The following EYS variants were observed in gnomAD, a reference collection of about 807,000 sequenced individuals.
The protein encoded by EYS is EGF-like photoreceptor maintenance factor.
Under a neutral mutation model 282.1 loss-of-function variants are expected in EYS, and 250 were observed. The observed-to-expected ratio is 0.89, with a 90% confidence interval of 0.80 to 0.98. The LOEUF is 0.98. Among genes scored for constraint, EYS ranks in the 50% least tolerant of loss-of-function variants. EYS has a pLI of 0.00. For synonymous variants in EYS, 1,355 were observed against 1,282.9 expected, an observed-to-expected ratio of 1.06 and a Z score of -1.20; for missense variants, 4,016 against 3,709.0, an observed-to-expected ratio of 1.08 and a Z score of -2.15.
At chr6:64,397,522 AT>A (rs57878887) in intron 28 of EYS, among the ~76,000 whole-genome samples, 5,797 of 151,938 alleles carry the variant, frequency 0.038, 357 homozygotes, top group African/African-American at 0.13. Flanking sequence ...GTCACATTGT[AT>A]TTTTTATAGG....
At chr6:64,811,578 A>T (rs1764598131) in intron 22 of EYS, among the ~76,000 whole-genome samples, 1 of 152,154 alleles carries the variant, frequency 6.6e-6, no homozygotes, top group Non-Finnish European at 1.5e-5. Flanking sequence ...CACAGTGAAT[A>T]GACCTTTAAA....
chr6:63,982,606 T>C (rs1767151392), intron 35 of EYS, among the ~76,000 whole-genome samples: 1 of 151,812 alleles, frequency 6.6e-6, no homozygotes, highest in Admixed American at 6.6e-5. Flanking sequence ...GATAATCTCT[T>C]TGTAATATAC....
At chr6:63,750,007 A>G (rs1369691543) in intron 41 of EYS, among the ~76,000 whole-genome samples, 1 of 152,170 alleles carries the variant, frequency 6.6e-6, no homozygotes, top group East Asian at 1.9e-4. Context: ...AAGTTTGCCA[A>G]TTCCTTCTCC....
At chr6:65,115,554 A>G (rs1445029077) in intron 12 of EYS, among the ~76,000 whole-genome samples, 1 of 152,152 alleles carries the variant, frequency 6.6e-6, no homozygotes. Context: ...TAAAAAATTT[A>G]TATATTACAT....
At chr6:63,989,477 C>T (rs1415622450) in intron 34 of EYS, among the ~76,000 whole-genome samples, 1 of 151,528 alleles carries the variant, frequency 6.6e-6, no homozygotes, top group African/African-American at 2.4e-5. Flanking sequence ...GTTAAAGGAT[C>T]TCTCTCTCCC....
chr6:64,691,903 A>G (rs919053970), intron 22 of EYS, among the ~76,000 whole-genome samples: 3 of 152,142 alleles, frequency 2.0e-5, no homozygotes, highest in Admixed American at 6.6e-5. Flanking sequence ...TCTATAATTG[A>G]TGGGCACCTG....
At chr6:63,982,999 G>A (rs1398088444) in intron 35 of EYS, among the ~76,000 whole-genome samples, 6 of 151,660 alleles carry the variant, frequency 4.0e-5, no homozygotes, top group Admixed American at 4.0e-4. Flanking sequence ...AAGTTGCCTT[G>A]CTAAATTATT....
chr6:64,298,631 C>A (rs6923523), intron 30 of EYS, among the ~76,000 whole-genome samples: 108,860 of 151,950 alleles, frequency 0.72, 39,178 homozygotes, highest in African/African-American at 0.79. Flanking sequence ...CAAAAACTAT[C>A]AAGAATAAGG....
At chr6:65,469,762 C>G (rs958583995) in intron 5 of EYS, among the ~76,000 whole-genome samples, 2 of 152,004 alleles carry the variant, frequency 1.3e-5, no homozygotes, top group African/African-American at 4.8e-5. Flanking sequence ...ACATATCTCT[C>G]ACTATCCTCA....
At chr6:64,956,391 C>T (rs559381674) in intron 14 of EYS, among the ~76,000 whole-genome samples, 4 of 152,178 alleles carry the variant, frequency 2.6e-5, no homozygotes, top group African/African-American at 9.6e-5. Context: ...TATCCATAGA[C>T]AAAAGAATGA....
At chr6:65,622,702 A>G (rs941860720) in intron 2 of EYS, among the ~76,000 whole-genome samples, 1 of 152,116 alleles carries the variant, frequency 6.6e-6, no homozygotes, top group Non-Finnish European at 1.5e-5. Context: ...GAGTTAATCA[A>G]GAGTAAGACC....
intron 12 of EYS, among the ~76,000 whole-genome samples, chr6:65,294,341 A>G (rs973627677): frequency 6.6e-6 from 1 of 151,968 alleles, no homozygotes; most frequent in Non-Finnish European, 1.5e-5. Context: ...TTTATAATTC[A>G]GTGGAAAGAA....
At chr6:64,955,202 C>CA (rs113187061) in intron 14 of EYS, among the ~76,000 whole-genome samples, 131 of 146,668 alleles carry the variant, frequency 8.9e-4, no homozygotes, top group Middle Eastern at 3.5e-3. Flanking sequence ...AAACAACCAA[C>CA]AAAAAAAAAA....
chr6:65,524,078 G>T (rs1767469982), intron 2 of EYS, among the ~76,000 whole-genome samples: 1 of 152,126 alleles, frequency 6.6e-6, no homozygotes. Context: ...CGCCATGTTG[G>T]CCAGGCTGGT....
At chr6:65,295,449 T>C (rs1247344688) in intron 12 of EYS, among the ~76,000 whole-genome samples, 1 of 151,902 alleles carries the variant, frequency 6.6e-6, no homozygotes, top group Non-Finnish European at 1.5e-5. Context: ...ACCTAGACAA[T>C]ACTGAAACCA....
chr6:65,662,043 A>G (rs908095167), intron 1 of EYS, among the ~76,000 whole-genome samples: 1 of 152,080 alleles, frequency 6.6e-6, no homozygotes, highest in African/African-American at 2.4e-5. Context: ...ATGCAAATTC[A>G]CCACACTCAT....
intron 31 of EYS, among the ~76,000 whole-genome samples, chr6:64,146,175 A>C (rs1774512944): frequency 6.6e-6 from 1 of 152,138 alleles, no homozygotes; most frequent in African/African-American, 2.4e-5. Context: ...ATTCACAGTC[A>C]CTTGTGAATA....
intron 22 of EYS, among the ~76,000 whole-genome samples, chr6:64,751,376 C>T (rs762087949): frequency 1.2e-4 from 19 of 152,162 alleles, no homozygotes; most frequent in Non-Finnish European, 2.6e-4. Context: ...TCTTCCAATG[C>T]AGAGAACTTG....
At chr6:64,062,762 A>T in intron 33 of EYS, among the ~76,000 whole-genome samples, 1 of 152,008 alleles carries the variant, frequency 6.6e-6, no homozygotes, top group Middle Eastern at 3.4e-3. Context: ...TGTATTAACA[A>T]TTTCTACTCA....
Sources: allele counts gnomAD v4.1 joint callset (sites outside exome capture counted in the v4.1 genomes callset), GRCh38; gene constraint gnomAD v4.1.1; transcripts MANE v1.5; gene names NCBI Gene and HGNC (gene_info 2026-07-23, HGNC 2026-07-21).